Variants in ZMAT3 observed in about 807,000 individuals in gnomAD.
The protein encoded by ZMAT3 is zinc finger matrin-type protein 3.
In ZMAT3, 17 loss-of-function variants were observed where a neutral mutation model predicts 32.3. The observed-to-expected ratio is 0.53, with a 90% CI of 0.36 to 0.79. ZMAT3 has a LOEUF of 0.79. ZMAT3 is among the 30% of genes least tolerant of loss of function. The probability of loss-of-function intolerance (pLI) is 0.00; values close to 1 mark genes in which losing one functional copy is unlikely to be tolerated. For synonymous variants in ZMAT3, 120 were observed against 133.1 expected (o/e 0.90, Z 0.68); for missense variants, 329 against 359.7 (o/e 0.91, Z 0.69).
intron 2 of ZMAT3, among the ~76,000 whole-genome samples, chr3:179,037,540 G>A (rs1409265362): frequency 2.0e-5 from 3 of 152,138 alleles, no homozygotes; most frequent in Non-Finnish European, 2.9e-5. Context: ...TGGGCGGAGT[G>A]AGCTCGGTGG....
chr3:179,046,604 G>A lies in ZMAT3; in HGVS notation c.271-15605C>T, dbSNP rs1185431657. Reference sequence around the variant, plus strand: ...TCAGCTGGGAGGCTTGTGGTCTGGGGCAAGTTCTCAGCCCTGACCACCAGC... The same window carrying A: ...TCAGCTGGGAGGCTTGTGGTCTGGGACAAGTTCTCAGCCCTGACCACCAGC... On this transcript the variant is annotated intron_variant, in intron 2 of 5. Coordinates refer to ENST00000311417, the MANE Select transcript of ZMAT3 (RefSeq NM_022470.4). The surrounding 1 kb of genome is among the most constrained non-coding windows in gnomAD (Gnocchi z 4.3). Among the ~76,000 whole-genome samples the A allele has an allele frequency of 6.6e-6, 1 of 152,162 alleles. No individual in the cohort carries two copies. The highest frequency in any genetic ancestry group is 2.4e-5 in the African/African-American group (1 of 41,436).
At chr3:179,053,368 T>C (rs1383723162) in intron 2 of ZMAT3, among the ~76,000 whole-genome samples, 1 of 151,662 alleles carries the variant, frequency 6.6e-6, no homozygotes, top group Admixed American at 6.6e-5. Context: ...AATGCAAAAA[T>C]GGGAAAGCTC....
intron 2 of ZMAT3, among the ~76,000 whole-genome samples, chr3:179,039,018 GCCA>G (rs1401813646): frequency 3.3e-5 from 5 of 152,242 alleles, no homozygotes; most frequent in Non-Finnish European, 7.3e-5. Flanking sequence ...AGGGGCCTCA[GCCA>G]TTGCTGAGGC....
At chr3:179,031,041 C>T (rs1243354079) in intron 2 of ZMAT3, 42 bp from the exon 3 acceptor site, 1 of 1,561,024 alleles carries the variant, frequency 6.4e-7, no homozygotes, top group Non-Finnish European at 8.7e-7. Flanking sequence ...CCACCCTTAT[C>T]TGCAGTTTCA....
Position 179,053,283 on chromosome 3 carries a change from CTATAGA to C in ZMAT3, c.270+14194_270+14199del, listed in dbSNP as rs201257656. Reference sequence around the variant, plus strand: ...TATTCTATATAGAGATAATTTATATCTATAGATATAGATATAGAATATCTATAAAAT... The same window carrying C: ...TATTCTATATAGAGATAATTTATATCTATAGATATAGAATATCTATAAAAT... On this transcript the variant is annotated intron_variant, in intron 2 of 5. Transcript: ENST00000311417. 7.6e-3 allele frequency among the ~76,000 whole-genome samples: 1,132 copies of C among 149,584 alleles called. 18 individuals carry two copies. Among genetic ancestry groups the C allele is most frequent in the African/African-American group, 0.025 (1,033 of 40,950 alleles).
chr3:179,028,615 C>A (rs949668041), intron 3 of ZMAT3, among the ~76,000 whole-genome samples: 1 of 152,220 alleles, frequency 6.6e-6, no homozygotes, highest in African/African-American at 2.4e-5. Flanking sequence ...CTGAAAACAG[C>A]CCCCACTGGG....
chr3:179,024,877 T>A lies in ZMAT3; in HGVS notation c.*140A>T, dbSNP rs1346373503. On this transcript the variant is annotated 3_prime_UTR_variant, in exon 6 of 6. Transcript: ENST00000311417. Reference sequence around the variant, plus strand: ...GCCCCCGGGCCCCCAGGTTTTGACATCTCATGGTACCACTGTGGGTTACAT... The same window carrying A: ...GCCCCCGGGCCCCCAGGTTTTGACAACTCATGGTACCACTGTGGGTTACAT... The A allele has an allele frequency of 2.0e-4, 112 of 561,070 alleles. No homozygotes were observed. Among genetic ancestry groups the A allele is most frequent in the Non-Finnish European group, 2.6e-4 (84 of 324,466 alleles). 34.8% of individuals were successfully genotyped at this position (561,070 alleles called of 1,614,324 possible). A position where few individuals can be genotyped will look rare whatever the true frequency, so the allele number is the denominator to read the frequency against.
chr3:179,032,383 C>T (rs1235612844), intron 2 of ZMAT3, among the ~76,000 whole-genome samples: 1 of 152,130 alleles, frequency 6.6e-6, no homozygotes, highest in Non-Finnish European at 1.5e-5. Context: ...CTGCCTTGGT[C>T]TCCCAAAGTG....
intron 2 of ZMAT3, among the ~76,000 whole-genome samples, chr3:179,062,192 A>C (rs1185897454): frequency 1.3e-5 from 2 of 152,178 alleles, no homozygotes; most frequent in Non-Finnish European, 2.9e-5. Context: ...CATGGTGACA[A>C]TGGAAAGGAC....
At chr3:179,062,394 A>T (rs1721193562) in intron 2 of ZMAT3, among the ~76,000 whole-genome samples, 1 of 152,252 alleles carries the variant, frequency 6.6e-6, no homozygotes, top group Non-Finnish European at 1.5e-5. Flanking sequence ...TATAGAAAAG[A>T]CTTGGGCATA....
In ZMAT3 at chr3:179,019,924, C is replaced by A. The variant is rs923995356; in HGVS notation, c.*5093G>T. The A allele has an allele frequency of 6.6e-6, 1 of 152,124 alleles. No individual in the cohort carries two copies. The highest frequency in any genetic ancestry group is 2.4e-5 in the African/African-American group (1 of 41,434). The allele number at this position is 152,124 out of a possible 1,614,324, so 9.4% of individuals were successfully genotyped here. A position where few individuals can be genotyped will look rare whatever the true frequency, so the allele number is the denominator to read the frequency against. ...TCTTCCAATCAACCACACTGCCATT[C>A]ACTAAGTACAAACGCAACACAGATC... On this transcript the variant is annotated 3_prime_UTR_variant, in exon 6 of 6. Coordinates refer to ENST00000311417, the MANE Select transcript of ZMAT3 (RefSeq NM_022470.4).
intron 2 of ZMAT3, among the ~76,000 whole-genome samples, chr3:179,041,545 A>C (rs1719928005): frequency 6.6e-6 from 1 of 152,194 alleles, no homozygotes; most frequent in Admixed American, 6.5e-5. Flanking sequence ...GAGAACAAAA[A>C]CTCAACGTAC....
At chr3:179,064,819 C>T (rs527308750) in intron 2 of ZMAT3, among the ~76,000 whole-genome samples, 6 of 152,260 alleles carry the variant, frequency 3.9e-5, no homozygotes, top group African/African-American at 1.2e-4. Context: ...AACATTTCTA[C>T]GCTTTCCTTC....
At position 179,027,662 on chromosome 3, in the gene ZMAT3, GAGCTT is replaced by G; in HGVS notation, c.536_540del (p.Glu179AlafsTer3). On this transcript the variant is annotated frameshift_variant, in exon 4 of 6. Transcript: ENST00000311417. LOFTEE classifies it high-confidence loss of function. ...AATACCTACGAGAATGAGTTACTCT[GAGCTT>G]CCGCCAGCCGCAGCCTCTTGGCATG... 1.2e-6 allele frequency: 2 copies of G among 1,614,164 alleles called. No homozygotes were observed. The highest frequency in any genetic ancestry group is 8.5e-7 in the Non-Finnish European group (1 of 1,180,020).
chr3:179,039,889 C>A (rs1371521346), intron 2 of ZMAT3, among the ~76,000 whole-genome samples: 5 of 152,090 alleles, frequency 3.3e-5, no homozygotes, highest in African/African-American at 1.2e-4. Flanking sequence ...CCTTAAATGA[C>A]TGATGGAGCT....
intron 5 of ZMAT3, among the ~76,000 whole-genome samples, 170 bp from the exon 6 acceptor site, chr3:179,025,398 G>A (rs1030517103): frequency 6.6e-6 from 1 of 152,130 alleles, no homozygotes; most frequent in Non-Finnish European, 1.5e-5. Flanking sequence ...TTTTACACAG[G>A]TTCGATCTAA....
At chr3:179,048,365 T>G (rs1415601691) in intron 2 of ZMAT3, among the ~76,000 whole-genome samples, 1 of 152,148 alleles carries the variant, frequency 6.6e-6, no homozygotes, top group African/African-American at 2.4e-5. Flanking sequence ...AGTCATCAGG[T>G]TACCTAAAGT....
intron 2 of ZMAT3, among the ~76,000 whole-genome samples, chr3:179,039,743 G>C (rs765899171): frequency 6.6e-6 from 1 of 152,154 alleles, no homozygotes; most frequent in African/African-American, 2.4e-5. Context: ...CGAGGTGACA[G>C]AAGTAGACTT....
chr3:179,029,357 T>C (rs1032000738), intron 3 of ZMAT3, among the ~76,000 whole-genome samples: 8 of 152,134 alleles, frequency 5.3e-5, no homozygotes, highest in Non-Finnish European at 4.4e-5. Flanking sequence ...GGCCTGGGAC[T>C]AAAATGAAGC....
Sources: gnomAD v4.1 joint callset for allele counts (sites outside exome capture counted in the v4.1 genomes callset) on GRCh38, gnomAD v4.1.1 for gene constraint, Gnocchi (gnomAD v3.1) non-coding constraint, MANE v1.5 for transcripts, NCBI Gene and HGNC (gene_info 2026-07-23, HGNC 2026-07-21) for gene names.